Variants in GRIK2 observed in about 807,000 individuals in gnomAD.
GRIK2 encodes glutamate receptor ionotropic, kainate 2.
Under a neutral mutation model 100.3 loss-of-function variants are expected in GRIK2, and 32 were observed. The ratio of observed to expected loss-of-function variants is 0.32; its 90% CI spans 0.24 to 0.43. The LOEUF (loss-of-function observed/expected upper bound fraction) is 0.43. Ranked by LOEUF, GRIK2 falls within the 20% of genes least tolerant of loss-of-function variation. The probability of loss-of-function intolerance (pLI) is 1.00; values close to 1 mark genes in which losing one functional copy is unlikely to be tolerated. For missense variants in GRIK2, 843 were observed against 1,114.9 expected (o/e 0.76, Z 3.47); for synonymous variants, 417 against 389.4 (o/e 1.07, Z -0.83).
chr6:101,671,688 AC>A (rs2128338112), intron 4 of GRIK2, among the ~76,000 whole-genome samples: 2 of 152,144 alleles, frequency 1.3e-5, no homozygotes, highest in South Asian at 4.1e-4. Flanking sequence ...ACAGGGTGAA[AC>A]CCCATCTCTA....
At chr6:102,027,716 C>T (rs1477381009) in intron 14 of GRIK2, among the ~76,000 whole-genome samples, 1 of 150,910 alleles carries the variant, frequency 6.6e-6, no homozygotes, top group Non-Finnish European at 1.5e-5. Flanking sequence ...TTTCTTATCA[C>T]TTTTAGACAG....
chr6:101,663,662 C>A (rs1312218115), intron 4 of GRIK2, among the ~76,000 whole-genome samples: 1 of 152,178 alleles, frequency 6.6e-6, no homozygotes, highest in Non-Finnish European at 1.5e-5. Context: ...TATAAACAAC[C>A]ATTAAATCAA....
chr6:101,411,750 T>G (rs1015419184), intron 2 of GRIK2, among the ~76,000 whole-genome samples: 4 of 152,054 alleles, frequency 2.6e-5, no homozygotes, highest in Non-Finnish European at 5.9e-5. Flanking sequence ...AGAACACCAC[T>G]CAAGGGCTTA....
chr6:102,056,723 G>C (rs2782893), intron 16 of GRIK2, among the ~76,000 whole-genome samples: 61,096 of 151,530 alleles, frequency 0.4, 12,763 homozygotes, highest in Middle Eastern at 0.48. Context: ...AAATAAAAAT[G>C]CTCCTTTATC....
Position 101,889,673 on chromosome 6 carries a change from A to G in GRIK2, c.1558A>G (p.Thr520Ala). 6.3e-7 allele frequency: 1 copy of G among 1,593,256 alleles called. No individual in the cohort carries two copies. The highest frequency in any genetic ancestry group is 8.5e-7 in the Non-Finnish European group (1 of 1,173,942). The change falls in exon 12 of 17, where the codon ACC becomes GCC. Residue 520 changes from threonine (T) to alanine (A), a missense_variant. Thr to Ala is a moderately conservative substitution (Grantham distance 58). Around this residue, in one of 3 missense-constraint regions of GRIK2, gnomAD observed 519 missense variants for 643.8 expected, o/e 0.81. Coordinates refer to ENST00000369134, the MANE Select transcript of GRIK2 (RefSeq NM_021956.5). ...CCTTGCAGTTGCTCCACTGGCTATT[A>G]CCTATGTTCGAGAGAAGGTCATCGA... ...ADLAVAPLAI[T>A]YVREKVIDFS...
chr6:101,572,822 AT>A (rs1777612480), intron 2 of GRIK2, among the ~76,000 whole-genome samples: 1 of 60,750 alleles, frequency 1.6e-5, no homozygotes, highest in Non-Finnish European at 4.1e-5. Flanking sequence ...TTTATTATTT[AT>A]TTATTTATTT....
rs112921792 is a variant in GRIK2, at chr6:101,404,835, G to A, written c.115+5443G>A. On this transcript the variant is annotated intron_variant, in intron 2 of 16. Transcript: ENST00000369134. ...AATCTTAGCATGAAAAGTGAGGTCA[G>A]AAACCCCTGAAAGGGAAGGAAGTAG... 4.1e-3 allele frequency among the ~76,000 whole-genome samples: 631 copies of A among 152,284 alleles called. 2 individuals carry two copies. Among genetic ancestry groups the A allele is most frequent in the South Asian group, 8.3e-3 (40 of 4,830 alleles).
At chr6:101,889,560 T>A (rs1351311760) in intron 11 of GRIK2, 80 bp from the exon 12 acceptor site, 1 of 773,026 alleles carries the variant, frequency 1.3e-6, no homozygotes, top group Admixed American at 2.5e-5. Context: ...GATTACTGAT[T>A]TTTTCTTGTG....
At chr6:101,804,027 GTACA>G (rs1459660970) in intron 9 of GRIK2, among the ~76,000 whole-genome samples, 2 of 151,784 alleles carry the variant, frequency 1.3e-5, no homozygotes, top group Admixed American at 1.3e-4. Flanking sequence ...GGCTTTTCAT[GTACA>G]GTGATAAGAT....
intron 15 of GRIK2, among the ~76,000 whole-genome samples, chr6:102,036,255 A>G (rs960220618): frequency 9.9e-5 from 15 of 151,234 alleles, no homozygotes; most frequent in Middle Eastern, 6.8e-3. Flanking sequence ...ACACACACAC[A>G]CACACATATA....
At chr6:101,743,471 C>T (rs1583058508) in intron 7 of GRIK2, among the ~76,000 whole-genome samples, 1 of 152,168 alleles carries the variant, frequency 6.6e-6, no homozygotes, top group Non-Finnish European at 1.5e-5. Context: ...ATGCAATTCA[C>T]TTCTATATGG....
chr6:101,997,914 C>G (rs1011063647), intron 14 of GRIK2, among the ~76,000 whole-genome samples: 2 of 152,092 alleles, frequency 1.3e-5, no homozygotes, highest in South Asian at 4.1e-4. Context: ...CTAAAAAAAT[C>G]TGCTTTATTT....
At chr6:101,591,234 C>A (rs1287031578) in intron 2 of GRIK2, among the ~76,000 whole-genome samples, 2 of 151,232 alleles carry the variant, frequency 1.3e-5, no homozygotes, top group Non-Finnish European at 2.9e-5. Context: ...ACATAATGGT[C>A]ATTTCTACCT....
At chr6:101,701,519 T>A (rs1422586452) in intron 7 of GRIK2, among the ~76,000 whole-genome samples, 2 of 152,048 alleles carry the variant, frequency 1.3e-5, no homozygotes, top group African/African-American at 4.8e-5. Context: ...TATTTCCAAT[T>A]TTTTTACTAA....
At chr6:101,839,486 A>G (rs1421276355) in intron 10 of GRIK2, among the ~76,000 whole-genome samples, 4 of 148,034 alleles carry the variant, frequency 2.7e-5, no homozygotes, top group Non-Finnish European at 4.4e-5. Context: ...TCAAAGTAGA[A>G]AGCCTTTGTA....
intron 2 of GRIK2, among the ~76,000 whole-genome samples, chr6:101,570,744 T>C (rs1326523797): frequency 2.6e-5 from 4 of 152,166 alleles, no homozygotes; most frequent in Non-Finnish European, 5.9e-5. Context: ...GTCAAACCTT[T>C]CCCTGTGGTC....
chr6:101,971,997 T>C (rs1457389358), intron 14 of GRIK2, among the ~76,000 whole-genome samples: 1 of 151,998 alleles, frequency 6.6e-6, no homozygotes, highest in African/African-American at 2.4e-5. Flanking sequence ...GTTCCACCAT[T>C]GATTGGCATC....
intron 2 of GRIK2, among the ~76,000 whole-genome samples, chr6:101,441,818 T>C (rs1044267691): frequency 1.3e-5 from 2 of 152,150 alleles, no homozygotes; most frequent in South Asian, 4.1e-4. Context: ...CTAATGTCTG[T>C]TGTTCCCTTC....
intron 11 of GRIK2, among the ~76,000 whole-genome samples, chr6:101,881,502 A>G (rs1462243177): frequency 6.6e-6 from 1 of 151,956 alleles, no homozygotes; most frequent in Admixed American, 6.6e-5. Context: ...TATTTGGAGT[A>G]TTGATATGCA....
Sources: gnomAD v4.1 joint callset for allele counts (sites outside exome capture counted in the v4.1 genomes callset) on GRCh38, gnomAD v4.1.1 for gene constraint, gnomAD v4.1.1 regional missense constraint, MANE v1.5 for transcripts, NCBI Gene and HGNC (gene_info 2026-07-23, HGNC 2026-07-21) for gene names.